Variants in STK24 observed in about 807,000 individuals in gnomAD.
STK24 encodes serine/threonine kinase 24, also known as serine/threonine-protein kinase 24.
STK24 carries 21 observed loss-of-function variants against 55.6 expected under a neutral mutation model. The observed-to-expected ratio is 0.38, with a 90% CI of 0.27 to 0.54. The LOEUF (loss-of-function observed/expected upper bound fraction) is 0.54. Ranked by LOEUF, STK24 falls within the 20% of genes least tolerant of loss-of-function variation. STK24 has a pLI of 0.79. For synonymous variants in STK24, 200 were observed against 215.2 expected (o/e 0.93, Z 0.62); for missense variants, 383 against 538.4 (o/e 0.71, Z 2.86).
intron 1 of STK24, among the ~76,000 whole-genome samples, chr13:98,576,466 G>A (rs1897895528): frequency 1.3e-5 from 2 of 152,086 alleles, no homozygotes; most frequent in South Asian, 4.1e-4. Flanking sequence ...GTGTTGGGGC[G>A]AGGGGAGCGC....
intron 1 of STK24, among the ~76,000 whole-genome samples, chr13:98,575,326 ATAACT>A (rs1288018409): frequency 3.9e-5 from 6 of 152,250 alleles, no homozygotes; most frequent in Non-Finnish European, 5.9e-5. Context: ...TCTTAAGATA[ATAACT>A]TAACTGTTGC....
At chr13:98,458,830 T>C (rs1389461129) in intron 9 of STK24, among the ~76,000 whole-genome samples, 5 of 152,202 alleles carry the variant, frequency 3.3e-5, no homozygotes, top group Non-Finnish European at 7.3e-5. Flanking sequence ...GTCTCCTCAA[T>C]GTCCTCATCT....
intron 2 of STK24, among the ~76,000 whole-genome samples, chr13:98,501,000 T>C (rs1895435261): frequency 8.0e-6 from 1 of 125,292 alleles, no homozygotes; most frequent in Non-Finnish European, 1.6e-5. Flanking sequence ...CAATACACAT[T>C]CAAGTTACTG....
At chr13:98,566,644 A>G (rs1897580437) in intron 1 of STK24, among the ~76,000 whole-genome samples, 1 of 152,254 alleles carries the variant, frequency 6.6e-6, no homozygotes, top group Non-Finnish European at 1.5e-5. Flanking sequence ...GAAGGGCAAC[A>G]AATTCCAAAG....
chr13:98,504,422 T>A (rs1041850680), intron 2 of STK24, among the ~76,000 whole-genome samples: 5 of 152,230 alleles, frequency 3.3e-5, no homozygotes, highest in African/African-American at 1.2e-4. Flanking sequence ...TCTGGAATAA[T>A]ACCTTCTAGA....
chr13:98,471,296 A>C lies in STK24; in HGVS notation c.597+3525T>G, dbSNP rs557741846. On this transcript the variant is annotated intron_variant, in intron 5 of 10. Transcript: ENST00000539966. ...TCAACAATGCTATTTTTTTCCATCA[A>C]TGCATCACCAGTTTCCACTTTTCAC... Among the ~76,000 whole-genome samples the C allele has an allele frequency of 3.9e-5, 6 of 152,234 alleles. No homozygotes were observed. In the South Asian group the frequency reaches 8.3e-4, roughly 21 times the overall value.
intron 3 of STK24, among the ~76,000 whole-genome samples, chr13:98,481,552 T>G (rs1894579066): frequency 6.6e-6 from 1 of 152,178 alleles, no homozygotes; most frequent in African/African-American, 2.4e-5. Context: ...AATTACAATA[T>G]TACATGCTTA....
rs118082914 is a variant in STK24, at chr13:98,478,561, G to A, written c.331-3203C>T. Reference sequence around the variant, plus strand: ...GCACAGACCGTGACGGTATGGACCAGAGCCACTGACCCCATGTGCAGGGGG... The same window carrying A: ...GCACAGACCGTGACGGTATGGACCAAAGCCACTGACCCCATGTGCAGGGGG... On this transcript the variant is annotated intron_variant, in intron 3 of 10. Transcript: ENST00000539966. Among the ~76,000 whole-genome samples the A allele has an allele frequency of 1.5e-4, 23 of 152,364 alleles. No individual in the cohort carries two copies. In the East Asian group the frequency reaches 3.5e-3, roughly 23 times the overall value.
chr13:98,472,501 C>A (rs1894191410), intron 5 of STK24, among the ~76,000 whole-genome samples: 1 of 152,162 alleles, frequency 6.6e-6, no homozygotes, highest in Non-Finnish European at 1.5e-5. Context: ...TTCCACGGCA[C>A]TTTGCATGAT....
At chr13:98,512,608 A>G (rs908107302) in intron 2 of STK24, among the ~76,000 whole-genome samples, 3 of 151,180 alleles carry the variant, frequency 2.0e-5, no homozygotes, top group Non-Finnish European at 4.4e-5. Flanking sequence ...AAAGCAAGGT[A>G]CCAGCCCCTA....
intron 1 of STK24, among the ~76,000 whole-genome samples, chr13:98,537,535 G>T (rs368021088): frequency 6.6e-6 from 1 of 152,154 alleles, no homozygotes; most frequent in African/African-American, 2.4e-5. Flanking sequence ...ACCGGGCCAC[G>T]CACTGGCCAG....
intron 1 of STK24, among the ~76,000 whole-genome samples, chr13:98,546,425 A>C (rs1566398732): frequency 1.3e-5 from 2 of 151,634 alleles, no homozygotes; most frequent in Non-Finnish European, 2.9e-5. Flanking sequence ...TTTTGCTTTA[A>C]AAAAAAAATG....
Position 98,545,590 on chromosome 13 carries a change from C to G in STK24, c.43-26117G>C, listed in dbSNP as rs148362839. Among the ~76,000 whole-genome samples the G allele has an allele frequency of 8.7e-3, 1,271 of 146,898 alleles. 12 individuals carry two copies. The highest frequency in any genetic ancestry group is 0.014 in the Middle Eastern group (4 of 282). The stretch of plus-strand genomic sequence containing the variant: ...CAGAGCTTGCAGTGAGCCGAGATTA[C>G]GCCACTGCACTCCAGCCTGGGTGAC... On this transcript the variant is annotated intron_variant, in intron 1 of 10. Coordinates refer to ENST00000539966, the MANE Select transcript of STK24 (RefSeq NM_001032296.4).
chr13:98,507,720 C>T (rs116259675), intron 2 of STK24, among the ~76,000 whole-genome samples: 1,573 of 152,260 alleles, frequency 0.01, 25 homozygotes, highest in African/African-American at 0.035. Flanking sequence ...GGCTTCATTC[C>T]CAGCCAGGAC....
At chr13:98,484,776 ACAG>A (rs200349004) in intron 2 of STK24, among the ~76,000 whole-genome samples, 2,872 of 152,318 alleles carry the variant, frequency 0.019, 99 homozygotes, top group African/African-American at 0.065. Context: ...GCAAGCAACA[ACAG>A]AACATCCAGA....
chr13:98,499,536 G>C (rs542207002), intron 2 of STK24, among the ~76,000 whole-genome samples: 1 of 152,186 alleles, frequency 6.6e-6, no homozygotes, highest in African/African-American at 2.4e-5. Flanking sequence ...GGGGCAGGTG[G>C]AATGTCATGT....
chr13:98,453,278 T>G (rs1893287537), intron 10 of STK24, 69 bp from the exon 11 acceptor site: 1 of 1,496,400 alleles, frequency 6.7e-7, no homozygotes, highest in Admixed American at 2.0e-5. Flanking sequence ...ATTCATATAG[T>G]AACCAAAATC....
rs765327164 is a variant in STK24, at chr13:98,448,551, G to A, written c.*4622C>T. 64 of 538,322 alleles carry A rather than the reference G, an allele frequency of 1.2e-4. No homozygotes were observed. Among genetic ancestry groups the A allele is most frequent in the Non-Finnish European group, 1.9e-4 (57 of 301,608 alleles). 33.3% of individuals were successfully genotyped at this position (538,322 alleles called of 1,614,324 possible). A position where few individuals can be genotyped will look rare whatever the true frequency, so the allele number is the denominator to read the frequency against. The stretch of plus-strand genomic sequence containing the variant: ...CTGGGGGCGCTGTTCTTTAGCTAGT[G>A]CCAGTATTAAAACATTGTCATTACG... On this transcript the variant is annotated 3_prime_UTR_variant, in exon 11 of 11. Coordinates refer to ENST00000539966, the MANE Select transcript of STK24 (RefSeq NM_001032296.4).
intron 1 of STK24, chr13:98,542,763 G>A (rs1185524574): frequency 1.1e-6 from 1 of 900,216 alleles, no homozygotes; most frequent in African/African-American, 1.8e-5. Context: ...CCCTAGAAAG[G>A]CTGATGGTGC....
Sources: gnomAD v4.1 joint callset for allele counts (sites outside exome capture counted in the v4.1 genomes callset) on GRCh38, gnomAD v4.1.1 for gene constraint, MANE v1.5 for transcripts, NCBI Gene and HGNC (gene_info 2026-07-23, HGNC 2026-07-21) for gene names.